ANK2: variants seen among roughly 807,000 people sequenced by gnomAD.
The protein encoded by ANK2 is ankyrin 2.
In ANK2, 83 loss-of-function variants were observed where a neutral mutation model predicts 360.5. That is an observed-to-expected ratio of 0.23 (90% CI 0.19 to 0.28). The LOEUF is 0.28. Among genes scored for constraint, ANK2 ranks in the 10% least tolerant of loss-of-function variants. The pLI, the probability that ANK2 is intolerant of heterozygous loss-of-function variation, is 1.00. For missense variants in ANK2, 4,201 were observed against 4,795.7 expected, an observed-to-expected ratio of 0.88 and a Z score of 3.66; for synonymous variants, 1,740 against 1,759.5, an observed-to-expected ratio of 0.99 and a Z score of 0.28.
At chr4:112,832,013 A>G (rs1348837280) in intron 1 of ANK2, among the ~76,000 whole-genome samples, 1 of 152,204 alleles carries the variant, frequency 6.6e-6, no homozygotes, top group African/African-American at 2.4e-5. Flanking sequence ...ACTCACTGCA[A>G]GCGTCCATGG....
chr4:113,198,976 C>A (rs2098791482), intron 3 of ANK2, 35 bp from the exon 4 acceptor site: 2 of 1,554,490 alleles, frequency 1.3e-6, no homozygotes, highest in Non-Finnish European at 1.8e-6. Flanking sequence ...AATTCAGAAA[C>A]CTTGAACATT....
rs2095853438 is a variant in ANK2 at position 113,357,304 on chromosome 4, T to C, written c.8686T>C (p.Ser2896Pro). 6.2e-7 allele frequency: 1 copy of C among 1,613,940 alleles called. No homozygotes were observed. Among genetic ancestry groups the C allele is most frequent in the African/African-American group, 1.3e-5 (1 of 74,910 alleles). The change falls in exon 38 of 46, where the codon TCC becomes CCC. Residue 2896 changes from serine (S) to proline (P), a missense_variant. Ser to Pro is a moderately conservative substitution (Grantham distance 74). This residue lies in a region of ANK2 where 2,642 missense variants were observed against 2,714.5 expected (regional missense o/e 0.97). Transcript: ENST00000357077. ...LPKDCPSQDS[S>P]ITTQTDRFSM... ...AAAGGACTGCCCCTCTCAAGACTCA[T>C]CCATTACTACTCAAACAGATAGATT...
intron 2 of ANK2, among the ~76,000 whole-genome samples, chr4:112,936,236 G>A (rs192180756): frequency 6.1e-4 from 93 of 152,262 alleles, no homozygotes; most frequent in African/African-American, 2.2e-3. Flanking sequence ...CTGATGACTT[G>A]GGAAGTTAAG....
intron 31 of ANK2, among the ~76,000 whole-genome samples, 196 bp downstream of exon 31, chr4:113,336,977 C>G (rs1377290590): frequency 6.6e-6 from 1 of 152,182 alleles, no homozygotes. Flanking sequence ...GTATGCCAAA[C>G]TGTTAGATAG....
chr4:112,760,683 C>G, the ANK2 span, among the ~76,000 whole-genome samples: 2 of 151,994 alleles, frequency 1.3e-5, no homozygotes, highest in Non-Finnish European at 2.9e-5. Context: ...CTAATGCTAT[C>G]CCTCGCCCCA....
chr4:113,045,509 T>C (rs979457640), upstream of ANK2, among the ~76,000 whole-genome samples: 9 of 152,348 alleles, frequency 5.9e-5, no homozygotes, highest in South Asian at 1.9e-3. Context: ...CCACTTTTTA[T>C]TTCAGTTTTA....
At chr4:112,903,797 C>T (rs927404311) in intron 1 of ANK2, among the ~76,000 whole-genome samples, 1 of 152,158 alleles carries the variant, frequency 6.6e-6, no homozygotes, top group African/African-American at 2.4e-5. Context: ...ATGCATGTAT[C>T]CTGGCTCTGG....
the ANK2 span, among the ~76,000 whole-genome samples, chr4:112,726,708 G>A: frequency 3.3e-5 from 5 of 151,798 alleles, no homozygotes; most frequent in Non-Finnish European, 5.9e-5. Context: ...AAAATTAGCC[G>A]GGTGTAGTGG....
At chr4:113,223,784 A>G (rs902901064) in intron 4 of ANK2, among the ~76,000 whole-genome samples, 1 of 152,230 alleles carries the variant, frequency 6.6e-6, no homozygotes, top group Non-Finnish European at 1.5e-5. Flanking sequence ...AGCTTAAAAC[A>G]GCAATAAATA....
At chr4:112,812,582 C>T in the ANK2 span, among the ~76,000 whole-genome samples, 1 of 152,214 alleles carries the variant, frequency 6.6e-6, no homozygotes, top group Non-Finnish European at 1.5e-5. Flanking sequence ...CAGAGGATTT[C>T]ATTCTCCAGC....
intron 1 of ANK2, among the ~76,000 whole-genome samples, chr4:113,110,258 T>C (rs1363778026): frequency 1.3e-5 from 2 of 152,006 alleles, no homozygotes; most frequent in Non-Finnish European, 2.9e-5. Context: ...ATCTTGTGAG[T>C]CTTACTCACT....
chr4:113,067,738 G>A (rs529485067), intron 1 of ANK2, among the ~76,000 whole-genome samples: 6 of 152,330 alleles, frequency 3.9e-5, no homozygotes, highest in Admixed American at 3.3e-4. Context: ...TTTGCCCCCA[G>A]AGATGATTTC....
At chr4:113,325,334 G>A (rs2089200559) in intron 26 of ANK2, among the ~76,000 whole-genome samples, 1 of 152,134 alleles carries the variant, frequency 6.6e-6, no homozygotes, top group Admixed American at 6.6e-5. Flanking sequence ...TGAAATGAAA[G>A]GTTTAAGTAG....
chr4:113,221,738 A>G (rs1396610288), intron 4 of ANK2, among the ~76,000 whole-genome samples: 2 of 152,134 alleles, frequency 1.3e-5, no homozygotes, highest in African/African-American at 4.8e-5. Context: ...TTGAAAATAG[A>G]TTTTAAGAAG....
intron 2 of ANK2, 103 bp downstream of exon 2, chr4:113,174,620 C>T: frequency 1.1e-6 from 1 of 944,416 alleles, no homozygotes; most frequent in Non-Finnish European, 1.6e-6. Flanking sequence ...ACTAAAATAT[C>T]AGTGACTCAG....
intron 2 of ANK2, among the ~76,000 whole-genome samples, chr4:113,027,459 A>G (rs1328086996): frequency 6.6e-6 from 1 of 152,112 alleles, no homozygotes; most frequent in Non-Finnish European, 1.5e-5. Flanking sequence ...CTGATTGTTC[A>G]GAACCTGATC....
At chr4:112,987,684 GT>G (rs1289920578) in intron 2 of ANK2, among the ~76,000 whole-genome samples, 1 of 151,862 alleles carries the variant, frequency 6.6e-6, no homozygotes. Flanking sequence ...TCCCTGTTAG[GT>G]TTCTATAGAA....
chr4:113,273,089 TC>T (rs2059101569), intron 14 of ANK2, among the ~76,000 whole-genome samples: 1 of 152,230 alleles, frequency 6.6e-6, no homozygotes, highest in South Asian at 2.1e-4. Context: ...GTCACTTTGT[TC>T]CGACAGGTCT....
chr4:113,225,363 C>A (rs530689478), intron 4 of ANK2, among the ~76,000 whole-genome samples: 85 of 152,008 alleles, frequency 5.6e-4, no homozygotes, highest in African/African-American at 1.9e-3. Flanking sequence ...AGAGCAGGAC[C>A]CCCCAGTGCC....
Sources: gnomAD v4.1 joint callset for allele counts (sites outside exome capture counted in the v4.1 genomes callset) on GRCh38, gnomAD v4.1.1 for gene constraint, gnomAD v4.1.1 regional missense constraint, MANE v1.5 for transcripts, NCBI Gene and HGNC (gene_info 2026-07-23, HGNC 2026-07-21) for gene names.